The following KIF6 variants were observed in gnomAD, a reference collection of about 807,000 sequenced individuals.
The protein encoded by KIF6 is kinesin family member 6.
KIF6 carries 106 observed loss-of-function variants against 112.7 expected under a neutral mutation model. The observed-to-expected ratio is 0.94, with a 90% CI of 0.80 to 1.11. The LOEUF (loss-of-function observed/expected upper bound fraction) is 1.11. Among genes scored for constraint, KIF6 ranks in the 50% least tolerant of loss-of-function variants. The pLI is 0.00. For missense variants in KIF6, 929 were observed against 964.0 expected (o/e 0.96, Z 0.48); for synonymous variants, 339 against 339.9 (o/e 1.00, Z 0.03).
intron 15 of KIF6, among the ~76,000 whole-genome samples, chr6:39,414,924 C>T (rs1444257366): frequency 6.7e-6 from 1 of 149,392 alleles, no homozygotes; most frequent in East Asian, 1.9e-4. Context: ...TGTGGTGGCT[C>T]ATGCCTGTAA....
chr6:39,598,108 A>G (rs1782372385), intron 6 of KIF6, among the ~76,000 whole-genome samples: 2 of 152,096 alleles, frequency 1.3e-5, no homozygotes, highest in Admixed American at 1.3e-4. Flanking sequence ...AATACCTTGA[A>G]CCCCGGAGGC....
chr6:39,658,432 T>C lies in KIF6; in HGVS notation c.252-18675A>G, dbSNP rs150011566. 2.3e-4 allele frequency among the ~76,000 whole-genome samples: 35 copies of C among 152,316 alleles called. No individual in the cohort carries two copies. The East Asian group carries it at 6.6e-3, about 29-fold the overall frequency. On this transcript the variant is annotated intron_variant, in intron 3 of 22. Coordinates refer to ENST00000287152, the MANE Select transcript of KIF6 (RefSeq NM_145027.6). ...GCACCTATTTCCAAAATAAAGGAAGTACGAGATTTTTAAAGTATCTTGAAA... is the reference window on the plus strand; with the variant it reads ...GCACCTATTTCCAAAATAAAGGAAGCACGAGATTTTTAAAGTATCTTGAAA...
intron 16 of KIF6, among the ~76,000 whole-genome samples, chr6:39,375,267 G>A (rs1478989791): frequency 6.6e-6 from 1 of 152,126 alleles, no homozygotes; most frequent in East Asian, 1.9e-4. Flanking sequence ...TAGGAGGAAT[G>A]TTTTTGAGAT....
intron 19 of KIF6, among the ~76,000 whole-genome samples, chr6:39,350,317 C>G (rs1764135393): frequency 6.6e-6 from 1 of 152,030 alleles, no homozygotes; most frequent in Non-Finnish European, 1.5e-5. Flanking sequence ...GGACATGTGT[C>G]CCTAAAAGGC....
At chr6:39,583,095 C>A (rs1201259107) in intron 9 of KIF6, 3 of 252,736 alleles carry the variant, frequency 1.2e-5, no homozygotes, top group South Asian at 4.9e-5. Flanking sequence ...TCTTCAAATT[C>A]TTCACATTCC....
intron 1 of KIF6, among the ~76,000 whole-genome samples, chr6:39,721,328 A>G (rs1461231812): frequency 6.6e-6 from 1 of 152,212 alleles, no homozygotes; most frequent in Non-Finnish European, 1.5e-5. Context: ...GCATTTGATA[A>G]GAGAGATGTG....
chr6:39,656,040 C>T (rs1785761250), intron 3 of KIF6, among the ~76,000 whole-genome samples: 1 of 152,186 alleles, frequency 6.6e-6, no homozygotes. Flanking sequence ...CTGACTTAGG[C>T]TGTATCTGGC....
intron 13 of KIF6, among the ~76,000 whole-genome samples, chr6:39,538,939 T>C (rs1582085426): frequency 6.6e-6 from 1 of 150,778 alleles, no homozygotes; most frequent in East Asian, 2.0e-4. Flanking sequence ...AAATTGGAAA[T>C]CATCATTCTC....
At position 39,596,050 on chromosome 6, in the gene KIF6, T is replaced by C; in HGVS notation, c.846+4A>G. On this transcript the variant is annotated splice_donor_region_variant and intron_variant, in intron 7 of 22. Coordinates refer to ENST00000287152, the MANE Select transcript of KIF6 (RefSeq NM_145027.6). The stretch of plus-strand genomic sequence containing the variant: ...ATTAATACATCCCACTCTGCCCATT[T>C]TACCTGTTCTAAGTAATGTAGTGAC... 6.2e-7 allele frequency: 1 copy of C among 1,611,468 alleles called. No individual in the cohort carries two copies. Among genetic ancestry groups the C allele is most frequent in the Non-Finnish European group, 8.5e-7 (1 of 1,177,704 alleles).
intron 10 of KIF6, among the ~76,000 whole-genome samples, chr6:39,569,931 C>T (rs554912161): frequency 6.6e-6 from 1 of 152,310 alleles, no homozygotes; most frequent in East Asian, 1.9e-4. Flanking sequence ...AAAATGAATA[C>T]AGGTATAAAT....
At chr6:39,345,862 T>G in intron 20 of KIF6, 73 bp from the exon 21 acceptor site, 2 of 1,075,332 alleles carry the variant, frequency 1.9e-6, no homozygotes, top group South Asian at 1.4e-5. Flanking sequence ...GGTTTATATC[T>G]AGGAGCTGTT....
chr6:39,423,123 C>T (rs1770499264), intron 14 of KIF6, among the ~76,000 whole-genome samples: 1 of 152,164 alleles, frequency 6.6e-6, no homozygotes, highest in Non-Finnish European at 1.5e-5. Context: ...GGTGCAGTTC[C>T]AGTGTGGATG....
At chr6:39,570,050 C>A (rs992818900) in intron 10 of KIF6, among the ~76,000 whole-genome samples, 1 of 152,104 alleles carries the variant, frequency 6.6e-6, no homozygotes, top group Non-Finnish European at 1.5e-5. Context: ...ATCAATGAAG[C>A]TTTTATTAGT....
At chr6:39,710,696 G>C (rs530064918) in intron 3 of KIF6, among the ~76,000 whole-genome samples, 13 of 152,184 alleles carry the variant, frequency 8.5e-5, no homozygotes, top group Non-Finnish European at 1.8e-4. Flanking sequence ...ACAGGGCAAA[G>C]AGAGGAGAAC....
chr6:39,352,671 T>A (rs564958020), intron 19 of KIF6, among the ~76,000 whole-genome samples: 30 of 151,716 alleles, frequency 2.0e-4, no homozygotes, highest in African/African-American at 7.3e-4. Context: ...TGGCTTGATC[T>A]CGGCTCACTG....
chr6:39,351,673 A>G (rs1764257340), intron 19 of KIF6, among the ~76,000 whole-genome samples: 1 of 152,162 alleles, frequency 6.6e-6, no homozygotes, highest in South Asian at 2.1e-4. Flanking sequence ...TTGAAGCCAA[A>G]GGAAAAATGA....
Position 39,566,780 on chromosome 6 carries a change from G to A in KIF6, c.1181+11276C>T, listed in dbSNP as rs556787778. 3.9e-5 allele frequency among the ~76,000 whole-genome samples: 6 copies of A among 152,246 alleles called. No individual in the cohort carries two copies. The South Asian group carries it at 8.3e-4, about 21-fold the overall frequency. Reference sequence around the variant, plus strand: ...AAGGGAGAACATTTGTTTTTAATTAGCTGTGAAATTTAGTATAAAAGTAGA... The same window carrying A: ...AAGGGAGAACATTTGTTTTTAATTAACTGTGAAATTTAGTATAAAAGTAGA... On this transcript the variant is annotated intron_variant, in intron 10 of 22. Transcript: ENST00000287152.
chr6:39,406,722 GA>G (rs201026584), intron 15 of KIF6, among the ~76,000 whole-genome samples: 5,555 of 152,176 alleles, frequency 0.037, 178 homozygotes, highest in Non-Finnish European at 0.05. Flanking sequence ...AGTCTTAGGT[GA>G]TTTGGAAATG....
intron 13 of KIF6, among the ~76,000 whole-genome samples, chr6:39,536,879 G>T (rs1778462814): frequency 1.3e-5 from 2 of 152,280 alleles, no homozygotes; most frequent in African/African-American, 4.8e-5. Context: ...GATCGAGTGG[G>T]CTTCATCCCT....
Sources: gnomAD v4.1 joint callset for allele counts (sites outside exome capture counted in the v4.1 genomes callset) on GRCh38, gnomAD v4.1.1 for gene constraint, MANE v1.5 for transcripts, NCBI Gene and HGNC (gene_info 2026-07-23, HGNC 2026-07-21) for gene names.